The following HACD1 variants were observed in gnomAD, a reference collection of about 807,000 sequenced individuals.
HACD1 encodes very-long-chain (3R)-3-hydroxyacyl-CoA dehydratase 1.
A neutral mutation model predicts 32.0 loss-of-function variants in HACD1; 41 were observed. The observed-to-expected ratio is 1.28, with a 90% CI of 1.00 to 1.66. The LOEUF is 1.66. Among genes scored for constraint, HACD1 ranks in the 40% most tolerant of loss-of-function variants. The pLI is 0.00. For synonymous variants in HACD1, 142 were observed against 139.0 expected (o/e 1.02, Z -0.15); for missense variants, 396 against 380.1 (o/e 1.04, Z -0.35).
rs1420110051 is a variant in HACD1, at chr10:17,589,465, A to C, written c.*899T>G. ...GCCTGGTTAATTTTTTTTGTTTGTA[A>C]TTTTTTTAGGGATGGGGTCTTGCTA... is the stretch of plus-strand genomic sequence containing the variant. On this transcript the variant is annotated 3_prime_UTR_variant, in exon 7 of 7. Transcript: ENST00000361271. The C allele has an allele frequency of 6.6e-6, 1 of 151,728 alleles. No individual in the cohort carries two copies. The highest frequency in any genetic ancestry group is 1.5e-5 in the Non-Finnish European group (1 of 67,956). The allele number at this position is 151,728 out of a possible 1,614,324, so 9.4% of individuals were successfully genotyped here. A position where few individuals can be genotyped will look rare whatever the true frequency, so the allele number is the denominator to read the frequency against.
chr10:17,617,075 G>T lies in HACD1; in HGVS notation c.257+8C>A, dbSNP rs560144722. Reference sequence around the variant, plus strand: ...GGAGGGCCCGAGGGTGCCCCGCGGCGCGCGTACCCCGCGGTCATGGCGATG... The same window carrying T: ...GGAGGGCCCGAGGGTGCCCCGCGGCTCGCGTACCCCGCGGTCATGGCGATG... On this transcript the variant is annotated splice_region_variant and intron_variant, in intron 1 of 6. Coordinates refer to ENST00000361271, the MANE Select transcript of HACD1 (RefSeq NM_014241.4). 12 of 1,475,542 alleles carry T rather than the reference G, an allele frequency of 8.1e-6. No individual in the cohort carries two copies. The highest frequency in any genetic ancestry group is 9.0e-6 in the Non-Finnish European group (10 of 1,116,704). The allele number at this position is 1,475,542 out of a possible 1,614,324, so 91.4% of individuals were successfully genotyped here.
intron 5 of HACD1, 78 bp downstream of exon 5, chr10:17,599,212 A>T (rs1288915061): frequency 6.4e-7 from 1 of 1,560,984 alleles, no homozygotes; most frequent in Non-Finnish European, 8.7e-7. Flanking sequence ...CTGAAACACG[A>T]ATTTTAATTC....
At chr10:17,603,787 A>G (rs1554816768) in intron 2 of HACD1, 43 bp from the exon 3 acceptor site, 1 of 1,563,604 alleles carries the variant, frequency 6.4e-7, no homozygotes, top group Non-Finnish European at 8.8e-7. Context: ...ATAATAGAAA[A>G]CATTAAATAA....
At position 17,617,347 on chromosome 10, in the gene HACD1, G is replaced by T. The variant is rs1205702626; in HGVS notation, c.-8C>A. ...TTCCGTCAGGCGCCCCATGTGCAGCGCGCAGGGGGCTCGGCGCAGCCAGCT... is the reference window on the plus strand; with the variant it reads ...TTCCGTCAGGCGCCCCATGTGCAGCTCGCAGGGGGCTCGGCGCAGCCAGCT... On this transcript the variant is annotated 5_prime_UTR_variant, in exon 1 of 7. Transcript: ENST00000361271. 8 of 1,367,750 alleles carry T rather than the reference G, an allele frequency of 5.8e-6. No homozygotes were observed. The highest frequency in any genetic ancestry group is 7.5e-6 in the Non-Finnish European group (8 of 1,066,722). 84.7% of individuals were successfully genotyped at this position (1,367,750 alleles called of 1,614,324 possible).
intron 1 of HACD1, among the ~76,000 whole-genome samples, chr10:17,606,287 T>C (rs781975015): frequency 4.6e-5 from 7 of 152,258 alleles, no homozygotes; most frequent in Non-Finnish European, 8.8e-5. Context: ...AATCGTGCTT[T>C]AAATATAAGC....
intron 6 of HACD1, among the ~76,000 whole-genome samples, chr10:17,590,692 G>A (rs1277544666): frequency 2.6e-5 from 4 of 151,940 alleles, no homozygotes; most frequent in African/African-American, 9.7e-5. Context: ...TTTTTCCTGA[G>A]ACAGAGTCTC....
chr10:17,592,855 G>C (rs1379030717), intron 6 of HACD1, among the ~76,000 whole-genome samples: 3 of 152,166 alleles, frequency 2.0e-5, no homozygotes, highest in African/African-American at 7.2e-5. Context: ...AGAAGACAAG[G>C]GGAAAACATA....
chr10:17,610,254 G>A (rs959180678), intron 1 of HACD1, among the ~76,000 whole-genome samples: 1 of 152,146 alleles, frequency 6.6e-6, no homozygotes. Flanking sequence ...TAAAAGATAT[G>A]GCTCTTACTT....
At position 17,617,331 on chromosome 10, in the gene HACD1, GCGCCC is replaced by G. The variant is rs782040259; in HGVS notation, c.4_8del (p.Gly2ProfsTer106). ...TGCCCGCTGCCGCCGCTTCCGTCAG[GCGCCC>G]CATGTGCAGCGCGCAGGGGGCTCGG... On this transcript the variant is annotated frameshift_variant, in exon 1 of 7. Transcript: ENST00000361271. LOFTEE classifies it high-confidence loss of function. 1 of 1,430,842 alleles carries G rather than the reference GCGCCC, an allele frequency of 7.0e-7. No homozygotes were observed. Among genetic ancestry groups the G allele is most frequent in the South Asian group, 1.4e-5 (1 of 69,960 alleles). The allele number at this position is 1,430,842 out of a possible 1,614,324, so 88.6% of individuals were successfully genotyped here.
intron 1 of HACD1, among the ~76,000 whole-genome samples, chr10:17,608,172 G>T (rs1292267623): frequency 6.6e-6 from 1 of 151,966 alleles, no homozygotes; most frequent in Non-Finnish European, 1.5e-5. Context: ...ACCATACCTG[G>T]CTCATTATTG....
In HACD1 at chr10:17,603,633, G is replaced by A. The variant is rs1346964047; in HGVS notation, c.410C>T (p.Ser137Phe). The A allele has an allele frequency of 7.4e-6, 12 of 1,613,036 alleles. No homozygotes were observed. Among genetic ancestry groups the A allele is most frequent in the Non-Finnish European group, 1.0e-5 (12 of 1,179,278 alleles). ...VHCLIGIVPT[S>F]VIVTGVQVSS... The stretch of plus-strand genomic sequence containing the variant: ...CACTTGGACCCCAGTCACAATCACA[G>A]AAGTAGGTACAATTCCTTAAAAAGA... The change falls in exon 4 of 7, where the codon TCT becomes TTT. Residue 137 changes from serine (S) to phenylalanine (F), a missense_variant. By Grantham distance (155) the Ser-to-Phe change is radical (BLOSUM62 -2). Transcript: ENST00000361271.
rs1161470049 is a variant in HACD1, at chr10:17,589,667, A to G, written c.*697T>C. The G allele has an allele frequency of 6.6e-6, 1 of 152,116 alleles. No individual in the cohort carries two copies. The highest frequency in any genetic ancestry group is 1.5e-5 in the Non-Finnish European group (1 of 68,040). The allele number at this position is 152,116 out of a possible 1,614,324, so 9.4% of individuals were successfully genotyped here. A position where few individuals can be genotyped will look rare whatever the true frequency, so the allele number is the denominator to read the frequency against. ...ATACTTATGCTCTTCCTAACCCCTT[A>G]AAACCTTCACAGTTGAAAACCTTGT... On this transcript the variant is annotated 3_prime_UTR_variant, in exon 7 of 7. Transcript: ENST00000361271.
intron 1 of HACD1, among the ~76,000 whole-genome samples, chr10:17,606,013 CAA>C (rs575897700): frequency 7.2e-6 from 1 of 139,176 alleles, no homozygotes; most frequent in African/African-American, 2.6e-5. Flanking sequence ...CCCGTCTCTA[CAA>C]AAAAAAAAAA....
intron 1 of HACD1, among the ~76,000 whole-genome samples, chr10:17,608,491 C>A (rs782243667): frequency 1.3e-5 from 2 of 151,260 alleles, no homozygotes; most frequent in Non-Finnish European, 2.9e-5. Flanking sequence ...TTCATATACT[C>A]CACACTTTGT....
At chr10:17,600,148 C>T (rs1263259334) in intron 4 of HACD1, among the ~76,000 whole-genome samples, 1 of 152,130 alleles carries the variant, frequency 6.6e-6, no homozygotes, top group Non-Finnish European at 1.5e-5. Flanking sequence ...CCAGAATATG[C>T]TCTGAACTTG....
At chr10:17,608,059 G>A (rs1209380096) in intron 1 of HACD1, among the ~76,000 whole-genome samples, 1 of 152,122 alleles carries the variant, frequency 6.6e-6, no homozygotes, top group African/African-American at 2.4e-5. Context: ...CCCGCAGGCT[G>A]GAGTGAGTGG....
At chr10:17,600,452 G>A (rs1313952399) in intron 4 of HACD1, among the ~76,000 whole-genome samples, 1 of 152,094 alleles carries the variant, frequency 6.6e-6, no homozygotes, top group Non-Finnish European at 1.5e-5. Context: ...TGAGTCTCAT[G>A]CCTCAGCCTC....
intron 6 of HACD1, among the ~76,000 whole-genome samples, chr10:17,591,283 G>T (rs1833924882): frequency 6.6e-6 from 1 of 152,132 alleles, no homozygotes; most frequent in African/African-American, 2.4e-5. Context: ...ACTGATACAT[G>T]GTTAACCCTC....
intron 6 of HACD1, among the ~76,000 whole-genome samples, chr10:17,591,965 AC>A: frequency 7.5e-6 from 1 of 133,482 alleles, no homozygotes; most frequent in East Asian, 2.1e-4. Context: ...GCCTTAACTC[AC>A]CAGCTACTGA....
Sources: gnomAD v4.1 joint callset for allele counts (sites outside exome capture counted in the v4.1 genomes callset) on GRCh38, gnomAD v4.1.1 for gene constraint, MANE v1.5 for transcripts, NCBI Gene and HGNC (gene_info 2026-07-23, HGNC 2026-07-21) for gene names.